The following SAP130 variants were observed in gnomAD, a reference collection of about 807,000 sequenced individuals.
SAP130 encodes the protein histone deacetylase complex subunit SAP130.
In SAP130, 16 loss-of-function variants were observed where a neutral mutation model predicts 103.2. The ratio of observed to expected loss-of-function variants is 0.16; its 90% CI spans 0.10 to 0.24. SAP130 has a LOEUF of 0.24. Ranked by LOEUF, SAP130 falls within the 10% of genes least tolerant of loss-of-function variation. The probability of loss-of-function intolerance (pLI) is 1.00; values close to 1 mark genes in which losing one functional copy is unlikely to be tolerated. For missense variants in SAP130, 990 were observed against 1,359.7 expected (o/e 0.73, Z 4.28); for synonymous variants, 477 against 497.0 (o/e 0.96, Z 0.53).
chr2:127,961,379 C>T (rs1313027234), intron 15 of SAP130, among the ~76,000 whole-genome samples: 1 of 151,482 alleles, frequency 6.6e-6, no homozygotes, highest in Admixed American at 6.6e-5. Context: ...AACTCCTGAG[C>T]TCAACTGATC....
intron 7 of SAP130, among the ~76,000 whole-genome samples, chr2:128,008,085 T>C (rs1684099691): frequency 6.6e-6 from 1 of 152,228 alleles, no homozygotes; most frequent in Admixed American, 6.5e-5. Flanking sequence ...TGACAGGTCC[T>C]AGTGGTGCCC....
rs1269457994 is a variant in SAP130 at position 127,942,369 on chromosome 2, T to C, written c.3015+55A>G. 2 of 1,336,760 alleles carry C rather than the reference T, an allele frequency of 1.5e-6. No individual in the cohort carries two copies. Among genetic ancestry groups the C allele is most frequent in the Admixed American group, 1.7e-5 (1 of 59,076 alleles). 82.8% of individuals were successfully genotyped at this position (1,336,760 alleles called of 1,614,324 possible). A position where few individuals can be genotyped will look rare whatever the true frequency, so the allele number is the denominator to read the frequency against. On this transcript the variant is annotated intron_variant, in intron 20 of 20. Transcript: ENST00000643581. The surrounding 1 kb of genome is among the most constrained non-coding windows in gnomAD (Gnocchi z 4.8). ...GGGGGAAACGGGAGAAGTAGGGCTT[T>C]ACAGAAAGCAACTTCATAAAGTAGA...
intron 6 of SAP130, 128 bp from the exon 7 acceptor site, chr2:128,010,521 A>C: frequency 2.1e-6 from 2 of 955,764 alleles, no homozygotes; most frequent in Non-Finnish European, 3.0e-6. Flanking sequence ...ATAAATTCTC[A>C]CCATTCCAAT....
intron 15 of SAP130, among the ~76,000 whole-genome samples, chr2:127,970,073 C>T (rs1212968412): frequency 6.6e-6 from 1 of 150,506 alleles, no homozygotes; most frequent in Non-Finnish European, 1.5e-5. Context: ...ACTAAAAATA[C>T]AAAAATTAGC....
In SAP130 at chr2:128,010,908, T is replaced by C. The variant is rs375686877; in HGVS notation, c.745-515A>G. The stretch of plus-strand genomic sequence containing the variant: ...AAAAAAAGACTAAGAGTCAGAATTA[T>C]TAAAAAAAAAAAATCCCTTAAGATA... On this transcript the variant is annotated intron_variant, in intron 6 of 20. Transcript: ENST00000643581. 6.3e-5 allele frequency among the ~76,000 whole-genome samples: 9 copies of C among 141,994 alleles called. No homozygotes were observed. In the East Asian group the frequency reaches 1.3e-3, roughly 20 times the overall value. The allele number at this position is 141,994 out of a possible 152,430, so 93.2% of individuals were successfully genotyped here.
intron 15 of SAP130, among the ~76,000 whole-genome samples, chr2:127,961,479 T>A (rs1680241905): frequency 6.6e-6 from 1 of 151,258 alleles, no homozygotes; most frequent in African/African-American, 2.4e-5. Flanking sequence ...ACTTCCCTGC[T>A]TATTTCAAAA....
chr2:128,008,512 A>G (rs1024928401), intron 7 of SAP130, among the ~76,000 whole-genome samples: 2 of 147,716 alleles, frequency 1.4e-5, no homozygotes, highest in Non-Finnish European at 3.0e-5. Context: ...CTATAGGTAC[A>G]TGCCACCACG....
Position 127,942,619 on chromosome 2 carries a change from TC to T in SAP130, c.2902-83del. 1 of 790,436 alleles carries T rather than the reference TC, an allele frequency of 1.3e-6. No homozygotes were observed. The allele number at this position is 790,436 out of a possible 1,614,324, so 49.0% of individuals were successfully genotyped here. ...CCCAGGCAAATGAACCCACCTTCAA[TC>T]ACCTTTGTAAACTGTCTAAGAGTTG... On this transcript the variant is annotated intron_variant, in intron 19 of 20. Coordinates refer to ENST00000643581, the MANE Select transcript of SAP130 (RefSeq NM_001330301.2). The surrounding 1 kb of genome is among the most constrained non-coding windows in gnomAD (Gnocchi z 4.8).
Position 128,021,117 on chromosome 2 carries a change from T to G in SAP130, c.113-3202A>C, listed in dbSNP as rs1457961993. 3.3e-5 allele frequency among the ~76,000 whole-genome samples: 5 copies of G among 152,160 alleles called. No individual in the cohort carries two copies. The East Asian group carries it at 7.7e-4, about 23-fold the overall frequency. On this transcript the variant is annotated intron_variant, in intron 2 of 20. Coordinates refer to ENST00000643581, the MANE Select transcript of SAP130 (RefSeq NM_001330301.2). Reference sequence around the variant, plus strand: ...ATCAACAATCTTGTCCAATGATCTCTTCAGGAAAAAATTCCTAAAAGTACA... The same window carrying G: ...ATCAACAATCTTGTCCAATGATCTCGTCAGGAAAAAATTCCTAAAAGTACA...
intron 7 of SAP130, among the ~76,000 whole-genome samples, chr2:128,005,733 G>A (rs894233987): frequency 4.0e-5 from 6 of 150,316 alleles, no homozygotes; most frequent in Non-Finnish European, 8.9e-5. Flanking sequence ...TGCAACCTCC[G>A]CCTCCCAGGT....
intron 12 of SAP130, among the ~76,000 whole-genome samples, chr2:127,990,286 T>C (rs1204799901): frequency 3.9e-5 from 6 of 151,940 alleles, no homozygotes; most frequent in African/African-American, 7.3e-5. Context: ...TCAAATGGCA[T>C]GTATCCACCA....
At chr2:127,973,337 A>G (rs914908786) in intron 15 of SAP130, among the ~76,000 whole-genome samples, 6 of 152,122 alleles carry the variant, frequency 3.9e-5, no homozygotes, top group African/African-American at 1.2e-4. Flanking sequence ...GGTTCAAGAG[A>G]TTCTCCTGCT....
At chr2:127,966,271 C>T (rs1159072712) in intron 15 of SAP130, among the ~76,000 whole-genome samples, 2 of 150,638 alleles carry the variant, frequency 1.3e-5, no homozygotes, top group African/African-American at 2.4e-5. Context: ...CTTGAACCTG[C>T]GAGGTGGAGG....
At position 127,980,098 on chromosome 2, in the gene SAP130, C is replaced by CG. The variant is rs568278243; in HGVS notation, c.1959-2010dup. 6.2e-4 allele frequency among the ~76,000 whole-genome samples: 94 copies of CG among 152,098 alleles called. 1 individual carries two copies. The highest frequency in any genetic ancestry group is 2.1e-3 in the African/African-American group (88 of 41,480). ...TTCACCATGTTGGCCAGGCTGGTCT[C>CG]GATCTCCTGACCTCAGATGATCTGC... is the stretch of plus-strand genomic sequence containing the variant. On this transcript the variant is annotated intron_variant, in intron 14 of 20. Transcript: ENST00000643581.
chr2:127,969,919 A>G (rs556586781), intron 15 of SAP130, among the ~76,000 whole-genome samples: 1 of 152,078 alleles, frequency 6.6e-6, no homozygotes, highest in Admixed American at 6.6e-5. Flanking sequence ...ATATAGCAAG[A>G]CCTTGTCTCT....
At position 127,955,477 on chromosome 2, in the gene SAP130, T is replaced by A. The variant is rs932925227; in HGVS notation, c.2064-133A>T. 9.2e-6 allele frequency: 5 copies of A among 540,630 alleles called. No individual in the cohort carries two copies. Among genetic ancestry groups the A allele is most frequent in the African/African-American group, 7.8e-5 (4 of 51,196 alleles). The allele number at this position is 540,630 out of a possible 1,614,324, so 33.5% of individuals were successfully genotyped here. A position where few individuals can be genotyped will look rare whatever the true frequency, so the allele number is the denominator to read the frequency against. On this transcript the variant is annotated intron_variant, in intron 15 of 20. Coordinates refer to ENST00000643581, the MANE Select transcript of SAP130 (RefSeq NM_001330301.2). This position sits in a 1 kb window ranked among gnomAD's most constrained non-coding sequence, Gnocchi z 4.9. ...CACAATTTATACTCTATTTCCTTTTTTTAAATTTTTAATTTTAAAAAAATT... is the reference window on the plus strand; with the variant it reads ...CACAATTTATACTCTATTTCCTTTTATTAAATTTTTAATTTTAAAAAAATT...
At chr2:128,009,809 T>A (rs1319783478) in intron 7 of SAP130, among the ~76,000 whole-genome samples, 1 of 152,254 alleles carries the variant, frequency 6.6e-6, no homozygotes, top group East Asian at 1.9e-4. Flanking sequence ...GCAAACACAA[T>A]CCTGTCTCAG....
At position 128,017,741 on chromosome 2, in the gene SAP130, G is replaced by T. The variant is rs1206276593; in HGVS notation, c.287C>A (p.Thr96Lys). 1.9e-6 allele frequency: 3 copies of T among 1,614,240 alleles called. No homozygotes were observed. ...TGGCGTCAGGTGTGCTGGCGGGGCT[G>T]TCACTGCAACAGGTGTGGCTGATGC... ...AVASATPVAV[T>K]APPAHLTPAV... The change falls in exon 3 of 21, where the codon ACA (threonine) becomes AAA (lysine). Residue 96 changes from threonine to lysine, a missense_variant. Coordinates refer to ENST00000643581, the MANE Select transcript of SAP130 (RefSeq NM_001330301.2).
In SAP130 at chr2:127,990,000, A is replaced by G. The variant is rs957309384; in HGVS notation, c.1478-134T>C. 2 of 787,364 alleles carry G rather than the reference A, an allele frequency of 2.5e-6. No homozygotes were observed. Among genetic ancestry groups the G allele is most frequent in the Non-Finnish European group, 3.9e-6 (2 of 511,874 alleles). 48.8% of individuals were successfully genotyped at this position (787,364 alleles called of 1,614,324 possible). A position where few individuals can be genotyped will look rare whatever the true frequency, so the allele number is the denominator to read the frequency against. On this transcript the variant is annotated intron_variant, in intron 12 of 20. Coordinates refer to ENST00000643581, the MANE Select transcript of SAP130 (RefSeq NM_001330301.2). This position sits in a 1 kb window ranked among gnomAD's most constrained non-coding sequence, Gnocchi z 4.6. ...TCCATGGTTTGAAAAAAAATAAATA[A>G]ATAAACATTGTTACTTGAAACTTAC... is the stretch of plus-strand genomic sequence containing the variant.
Sources: gnomAD v4.1 joint callset for allele counts (sites outside exome capture counted in the v4.1 genomes callset) on GRCh38, gnomAD v4.1.1 for gene constraint, Gnocchi (gnomAD v3.1) non-coding constraint, MANE v1.5 for transcripts, NCBI Gene and HGNC (gene_info 2026-07-23, HGNC 2026-07-21) for gene names.